The following TMEM120B variants were observed in gnomAD, a reference collection of about 807,000 sequenced individuals.
The protein encoded by TMEM120B is transmembrane protein 120B.
Under a neutral mutation model 55.5 loss-of-function variants are expected in TMEM120B, and 31 were observed. That is an observed-to-expected ratio of 0.56 (90% CI 0.42 to 0.75). The LOEUF (loss-of-function observed/expected upper bound fraction) is 0.75. TMEM120B is among the 30% of genes least tolerant of loss of function. TMEM120B has a pLI of 0.00. For missense variants in TMEM120B, 399 were observed against 425.5 expected (o/e 0.94, Z 0.55); for synonymous variants, 203 against 176.3 (o/e 1.15, Z -1.20).
chr12:121,721,594 C>A (rs1212208182), intron 1 of TMEM120B, among the ~76,000 whole-genome samples: 2 of 151,686 alleles, frequency 1.3e-5, no homozygotes, highest in Non-Finnish European at 2.9e-5. Context: ...GCCTCAGTCT[C>A]CCGAGTAGCT....
chr12:121,771,040 G>T, intron 7 of TMEM120B, 68 bp downstream of exon 7: 1 of 1,545,578 alleles, frequency 6.5e-7, no homozygotes, highest in Non-Finnish European at 8.9e-7. Context: ...GGAATGGGGA[G>T]GGGGCTGATC....
chr12:121,716,794 C>A (rs577288825), intron 1 of TMEM120B, among the ~76,000 whole-genome samples: 7 of 152,028 alleles, frequency 4.6e-5, no homozygotes, highest in Non-Finnish European at 1.0e-4. Flanking sequence ...AACTCCTGAC[C>A]TCGTGATCCA....
chr12:121,731,387 G>A (rs934705864), intron 1 of TMEM120B, among the ~76,000 whole-genome samples: 9 of 152,282 alleles, frequency 5.9e-5, no homozygotes, highest in Non-Finnish European at 1.3e-4. Context: ...GAGTAGCTGA[G>A]ATTACAGGCG....
intron 5 of TMEM120B, among the ~76,000 whole-genome samples, chr12:121,760,853 C>T (rs976902099): frequency 3.9e-5 from 6 of 152,082 alleles, no homozygotes; most frequent in African/African-American, 7.2e-5. Flanking sequence ...ACATCACAGA[C>T]GGTAGGGCCC....
At chr12:121,735,073 C>T (rs1169858861) in intron 1 of TMEM120B, among the ~76,000 whole-genome samples, 1 of 147,072 alleles carries the variant, frequency 6.8e-6, no homozygotes, top group Admixed American at 6.8e-5. Context: ...GTAGTCCCAG[C>T]TACTTGGGAG....
chr12:121,749,671 G>A (rs953960136), intron 3 of TMEM120B, among the ~76,000 whole-genome samples: 13 of 151,940 alleles, frequency 8.6e-5, no homozygotes, highest in Admixed American at 8.5e-4. Flanking sequence ...TTTGGGAGAC[G>A]GAGGCAGGTG....
rs772652608 is a variant in TMEM120B at position 121,743,612 on chromosome 12, G to C, written c.70-17G>C. The C allele has an allele frequency of 1.9e-6, 3 of 1,600,966 alleles. No homozygotes were observed. The highest frequency in any genetic ancestry group is 1.3e-5 in the African/African-American group (1 of 74,604). On this transcript the variant is annotated splice_polypyrimidine_tract_variant and intron_variant, in intron 1 of 11. Transcript: ENST00000449592. The stretch of plus-strand genomic sequence containing the variant: ...ATATTCTCCCACACACCCTCCCCCG[G>C]GTCCCCTGTTCTTCAGGAGACGCAC...
In TMEM120B at chr12:121,748,574, T is replaced by A. The variant is rs1200327503; in HGVS notation, c.305+132T>A. 8.2e-6 allele frequency: 5 copies of A among 608,430 alleles called. No homozygotes were observed. The African/African-American group carries it at 9.4e-5, about 11-fold the overall frequency. The allele number at this position is 608,430 out of a possible 1,614,324, so 37.7% of individuals were successfully genotyped here. A position where few individuals can be genotyped will look rare whatever the true frequency, so the allele number is the denominator to read the frequency against. On this transcript the variant is annotated intron_variant, in intron 3 of 11. Coordinates refer to ENST00000449592, the MANE Select transcript of TMEM120B (RefSeq NM_001080825.2). ...AAGAGGGAAACAAGGGCAGGAGAGA[T>A]AAGGAGCCTTCCTTACACATTCCTC...
At chr12:121,746,376 G>C (rs991024288) in intron 2 of TMEM120B, among the ~76,000 whole-genome samples, 1 of 151,790 alleles carries the variant, frequency 6.6e-6, no homozygotes, top group Admixed American at 6.6e-5. Flanking sequence ...TAGTAGAGAC[G>C]GGGTTTCTCC....
At chr12:121,773,817 C>T (rs1019408124) in intron 9 of TMEM120B, among the ~76,000 whole-genome samples, 3 of 151,308 alleles carry the variant, frequency 2.0e-5, no homozygotes, top group Non-Finnish European at 2.9e-5. Flanking sequence ...CATACCAACA[C>T]GTATAAGTAT....
intron 5 of TMEM120B, among the ~76,000 whole-genome samples, chr12:121,760,402 C>T (rs1049047514): frequency 2.0e-5 from 3 of 152,154 alleles, no homozygotes; most frequent in South Asian, 2.1e-4. Flanking sequence ...TGCTGGCAGA[C>T]TTCCGGGGGT....
rs1874242262 is a variant in TMEM120B, at chr12:121,776,220, C to T, written c.*498C>T. 2 of 260,844 alleles carry T rather than the reference C, an allele frequency of 7.7e-6. No individual in the cohort carries two copies. The highest frequency in any genetic ancestry group is 1.4e-5 in the Non-Finnish European group (2 of 139,188). The allele number at this position is 260,844 out of a possible 1,614,324, so 16.2% of individuals were successfully genotyped here. A position where few individuals can be genotyped will look rare whatever the true frequency, so the allele number is the denominator to read the frequency against. The stretch of plus-strand genomic sequence containing the variant: ...AGCCCCCTCCTCGCCCACCCCGCCA[C>T]GTGGTGAGGGTTATTTTAAGTTCTC... On this transcript the variant is annotated 3_prime_UTR_variant, in exon 12 of 12. Coordinates refer to ENST00000449592, the MANE Select transcript of TMEM120B (RefSeq NM_001080825.2).
At chr12:121,725,864 G>A (rs1030895322) in intron 1 of TMEM120B, among the ~76,000 whole-genome samples, 2 of 151,796 alleles carry the variant, frequency 1.3e-5, no homozygotes, top group Admixed American at 6.6e-5. Flanking sequence ...TGGTGAAACC[G>A]CATCTCTACT....
intron 6 of TMEM120B, among the ~76,000 whole-genome samples, chr12:121,769,540 T>TA (rs532647665): frequency 1.4e-3 from 210 of 146,170 alleles, no homozygotes; most frequent in Middle Eastern, 3.5e-3. Flanking sequence ...ACCCTGTCTC[T>TA]AAAAAAAAAA....
intron 1 of TMEM120B, among the ~76,000 whole-genome samples, chr12:121,736,331 T>G (rs1895113006): frequency 6.7e-6 from 1 of 149,844 alleles, no homozygotes; most frequent in South Asian, 2.1e-4. Context: ...TTTGGTGTTT[T>G]TTTTTTTTTT....
In TMEM120B at chr12:121,746,948, ACT is replaced by A. The variant is rs1201160168; in HGVS notation, c.189-1375_189-1374del. On this transcript the variant is annotated intron_variant, in intron 2 of 11. Coordinates refer to ENST00000449592, the MANE Select transcript of TMEM120B (RefSeq NM_001080825.2). ...ACTCCAGCCTGGGCGACAGAGCAAG[ACT>A]CTGTCTCAAAAAAAAAAAGAAAAGA... 3.3e-5 allele frequency among the ~76,000 whole-genome samples: 5 copies of A among 150,506 alleles called. No homozygotes were observed. The East Asian group carries it at 5.8e-4, about 18-fold the overall frequency.
chr12:121,773,570 A>G, intron 9 of TMEM120B, 57 bp downstream of exon 9: 2 of 1,367,270 alleles, frequency 1.5e-6, no homozygotes, highest in Non-Finnish European at 2.0e-6. Context: ...CCAGCTCCCC[A>G]CACCGGGAGT....
At chr12:121,743,318 A>C (rs576889714) in intron 1 of TMEM120B, among the ~76,000 whole-genome samples, 1 of 151,988 alleles carries the variant, frequency 6.6e-6, no homozygotes, top group African/African-American at 2.4e-5. Flanking sequence ...TGGCAGGCCG[A>C]AGCGGGCAGG....
At chr12:121,748,165 GCA>G (rs774399050) in intron 2 of TMEM120B, among the ~76,000 whole-genome samples, 159 bp from the exon 3 acceptor site, 1 of 25,792 alleles carries the variant, frequency 3.9e-5, no homozygotes, top group South Asian at 1.2e-3. Flanking sequence ...AAGGTGGGAG[GCA>G]CTGGGGTAGA....
Sources: gnomAD v4.1 joint callset for allele counts (sites outside exome capture counted in the v4.1 genomes callset) on GRCh38, gnomAD v4.1.1 for gene constraint, MANE v1.5 for transcripts, NCBI Gene and HGNC (gene_info 2026-07-23, HGNC 2026-07-21) for gene names.